ADCY2: variants seen among roughly 807,000 people sequenced by gnomAD.
ADCY2 encodes adenylate cyclase 2.
In ADCY2, 31 loss-of-function variants were observed where a neutral mutation model predicts 125.2. The observed-to-expected ratio is 0.25, with a 90% CI of 0.19 to 0.33. The LOEUF (loss-of-function observed/expected upper bound fraction) is 0.33, where lower values mean the gene tolerates loss of function less well. Among genes scored for constraint, ADCY2 ranks in the 10% least tolerant of loss-of-function variants. ADCY2 has a pLI of 1.00. For missense variants in ADCY2, 904 were observed against 1,418.2 expected, an observed-to-expected ratio of 0.64 and a Z score of 5.82; for synonymous variants, 512 against 548.4, an observed-to-expected ratio of 0.93 and a Z score of 0.93.
In ADCY2 at chr5:7,789,803, C is replaced by A; in HGVS notation, c.2628+3C>A. On this transcript the variant is annotated splice_donor_region_variant and intron_variant, in intron 20 of 24. Coordinates refer to ENST00000338316, the MANE Select transcript of ADCY2 (RefSeq NM_020546.3). ...TGGCCAGGAGCCTGAAGAATGAGGTCAGACCAGGGGGGCTGGGGGCTGGGG... is the reference window on the plus strand; with the variant it reads ...TGGCCAGGAGCCTGAAGAATGAGGTAAGACCAGGGGGGCTGGGGGCTGGGG... The A allele has an allele frequency of 2.0e-6, 3 of 1,529,684 alleles. No individual in the cohort carries two copies. Among genetic ancestry groups the A allele is most frequent in the East Asian group, 2.3e-5 (1 of 42,636 alleles). The allele number at this position is 1,529,684 out of a possible 1,614,324, so 94.8% of individuals were successfully genotyped here.
At chr5:7,713,343 A>T (rs1741497680) in intron 11 of ADCY2, among the ~76,000 whole-genome samples, 1 of 151,912 alleles carries the variant, frequency 6.6e-6, no homozygotes, top group Non-Finnish European at 1.5e-5. Flanking sequence ...ATACAAAAAA[A>T]ATTAGCTGGG....
chr5:7,540,431 T>G (rs1452191579), intron 3 of ADCY2, among the ~76,000 whole-genome samples: 1 of 152,218 alleles, frequency 6.6e-6, no homozygotes, highest in Non-Finnish European at 1.5e-5. Flanking sequence ...CCACTCTGGC[T>G]GTAAGATTTT....
intron 3 of ADCY2, among the ~76,000 whole-genome samples, chr5:7,573,111 C>A (rs1178231713): frequency 6.6e-6 from 1 of 152,118 alleles, no homozygotes; most frequent in Non-Finnish European, 1.5e-5. Context: ...CTAGAAGAAA[C>A]CAACTCTGCC....
At chr5:7,707,935 G>T in intron 9 of ADCY2, 97 bp downstream of exon 9, 1 of 1,341,794 alleles carries the variant, frequency 7.5e-7, no homozygotes, top group East Asian at 2.4e-5. Flanking sequence ...ATAATTCTTT[G>T]CTACTCTTTG....
intron 3 of ADCY2, among the ~76,000 whole-genome samples, chr5:7,572,822 AG>A (rs1395419866): frequency 2.0e-5 from 3 of 152,158 alleles, no homozygotes; most frequent in African/African-American, 7.2e-5. Context: ...GGTGTAAGGA[AG>A]GGGTCCAGTT....
In ADCY2 at chr5:7,757,585, TGGTAAGTCCCAGAGCAC is replaced by T; in HGVS notation, c.2094+2_2094+18del. On this transcript the variant is annotated splice_donor_variant and splice_donor_5th_base_variant and coding_sequence_variant and intron_variant, in exon 16 of 25. Transcript: ENST00000338316. LOFTEE classifies it high-confidence loss of function. ...ATATTAATGATGGCCGTGTTCAACA[TGGTAAGTCCCAGAGCAC>T]GGCCGTGTTCAACATGGTAAGCCCC... 5 of 1,565,642 alleles carry T rather than the reference TGGTAAGTCCCAGAGCAC, an allele frequency of 3.2e-6. No individual in the cohort carries two copies. Among genetic ancestry groups the T allele is most frequent in the South Asian group, 1.1e-5 (1 of 87,628 alleles).
chr5:7,621,306 A>G (rs910102519), intron 3 of ADCY2, among the ~76,000 whole-genome samples: 4 of 152,238 alleles, frequency 2.6e-5, no homozygotes, highest in Non-Finnish European at 5.9e-5. Context: ...GGTCTCCAAG[A>G]ACTTAACATA....
intron 2 of ADCY2, among the ~76,000 whole-genome samples, chr5:7,422,487 A>AGTGTG (rs1227647033): frequency 2.6e-5 from 4 of 152,124 alleles, no homozygotes; most frequent in Non-Finnish European, 5.9e-5. Flanking sequence ...AAGAGCCATC[A>AGTGTG]GTGTGGTCAG....
chr5:7,807,015 G>A lies in ADCY2; in HGVS notation c.2883+2323G>A, dbSNP rs188882714. 7.9e-5 allele frequency among the ~76,000 whole-genome samples: 12 copies of A among 152,230 alleles called. No homozygotes were observed. The East Asian group carries it at 2.1e-3, about 27-fold the overall frequency. The stretch of plus-strand genomic sequence containing the variant: ...TGGAGGCTTCTCCAGCTCATCTAAT[G>A]AGGGCCATCAGGAGCACTTCACCTG... On this transcript the variant is annotated intron_variant, in intron 22 of 24. Transcript: ENST00000338316.
intron 1 of ADCY2, among the ~76,000 whole-genome samples, chr5:7,397,076 G>A (rs898712692): frequency 6.6e-6 from 1 of 152,214 alleles, no homozygotes; most frequent in African/African-American, 2.4e-5. Context: ...TCTTTAGCCC[G>A]ATAGACGGAA....
intron 2 of ADCY2, among the ~76,000 whole-genome samples, chr5:7,463,302 T>G (rs1741980329): frequency 6.6e-6 from 1 of 152,202 alleles, no homozygotes; most frequent in Non-Finnish European, 1.5e-5. Context: ...GAAGATTTAT[T>G]CAGTGTCCAT....
At chr5:7,791,811 G>T (rs946866373) in intron 20 of ADCY2, among the ~76,000 whole-genome samples, 4 of 152,068 alleles carry the variant, frequency 2.6e-5, no homozygotes, top group African/African-American at 9.7e-5. Flanking sequence ...CTCCGTGGGC[G>T]CCTCCTGGGG....
rs1945071821 is a variant in ADCY2 at position 7,431,995 on chromosome 5, T to A, written c.408+17225T>A. 2.6e-5 allele frequency among the ~76,000 whole-genome samples: 4 copies of A among 151,962 alleles called. No homozygotes were observed. In the South Asian group the frequency reaches 8.3e-4, roughly 32 times the overall value. On this transcript the variant is annotated intron_variant, in intron 2 of 24. Coordinates refer to ENST00000338316, the MANE Select transcript of ADCY2 (RefSeq NM_020546.3). ...AAACCACCCATGACCACCCCACCCC[T>A]ATCCTGTGCCCCTAAAAACCTCAAG...
intron 23 of ADCY2, among the ~76,000 whole-genome samples, chr5:7,818,427 G>C (rs940625330): frequency 1.3e-5 from 2 of 150,564 alleles, no homozygotes; most frequent in African/African-American, 4.9e-5. Flanking sequence ...CACGATCTCA[G>C]TTCACTGCAA....
chr5:7,497,741 A>T (rs1004077976), intron 2 of ADCY2, among the ~76,000 whole-genome samples: 1 of 152,160 alleles, frequency 6.6e-6, no homozygotes, highest in Non-Finnish European at 1.5e-5. Flanking sequence ...GCACCGAAAA[A>T]AAAAAGTTGC....
intron 3 of ADCY2, among the ~76,000 whole-genome samples, chr5:7,621,195 G>A (rs1020394252): frequency 3.9e-5 from 6 of 152,164 alleles, no homozygotes; most frequent in Non-Finnish European, 8.8e-5. Context: ...GGTCACACTT[G>A]TGCCTCATGA....
intron 2 of ADCY2, among the ~76,000 whole-genome samples, chr5:7,490,673 A>ACATG (rs1690524323): frequency 6.6e-6 from 1 of 151,958 alleles, no homozygotes; most frequent in Non-Finnish European, 1.5e-5. Context: ...GCACACACAC[A>ACATG]CATGCATGCA....
chr5:7,713,527 C>T (rs565468186), intron 11 of ADCY2, among the ~76,000 whole-genome samples: 16 of 151,476 alleles, frequency 1.1e-4, no homozygotes, highest in Middle Eastern at 3.4e-3. Context: ...AAAAGTTACA[C>T]TTTTCTGTTG....
rs1208328927 is a variant in ADCY2 at position 7,766,705 on chromosome 5, G to A, written c.2113G>A (p.Glu705Lys). ...TTTGCAGTTTTTCCTGAGTGACTCA[G>A]AGGAAACAATCCCTCCAACTGCCAA... ...VFNMFFLSDS[E>K]ETIPPTANTT... The change falls in exon 17 of 25, where the codon GAG (glutamate) becomes AAG (lysine). Residue 705 changes from glutamate (E) to lysine (K), a missense_variant. By Grantham distance (56) the Glu-to-Lys change is moderately conservative (BLOSUM62 1). Transcript: ENST00000338316. 1.2e-6 allele frequency: 2 copies of A among 1,611,424 alleles called. No individual in the cohort carries two copies. Among genetic ancestry groups the A allele is most frequent in the Non-Finnish European group, 1.7e-6 (2 of 1,179,248 alleles).
Sources: gnomAD v4.1 joint callset for allele counts (sites outside exome capture counted in the v4.1 genomes callset) on GRCh38, gnomAD v4.1.1 for gene constraint, MANE v1.5 for transcripts, NCBI Gene and HGNC (gene_info 2026-07-23, HGNC 2026-07-21) for gene names.